The following L3MBTL3 variants were observed in gnomAD, a reference collection of about 807,000 sequenced individuals.
L3MBTL3 encodes L3MBTL histone methyl-lysine binding protein 3.
In L3MBTL3, 27 loss-of-function variants were observed where a neutral mutation model predicts 102.3. The ratio of observed to expected loss-of-function variants is 0.26; its 90% CI spans 0.19 to 0.36. L3MBTL3 has a LOEUF of 0.36. L3MBTL3 is among the 10% of genes least tolerant of loss of function. L3MBTL3 has a pLI of 1.00. For synonymous variants in L3MBTL3, 340 were observed against 320.9 expected (o/e 1.06, Z -0.64); for missense variants, 798 against 955.3 (o/e 0.84, Z 2.17).
chr6:130,104,697 A>C, intron 19 of L3MBTL3, 122 bp downstream of exon 19: 2 of 640,824 alleles, frequency 3.1e-6, no homozygotes, highest in Non-Finnish European at 2.3e-6. Flanking sequence ...AATACACCTG[A>C]CTTAATGTGA....
At chr6:130,052,816 G>T (rs1348483320) in intron 6 of L3MBTL3, 43 bp from the exon 7 acceptor site, 1 of 1,566,826 alleles carries the variant, frequency 6.4e-7, no homozygotes, top group Admixed American at 1.9e-5. Flanking sequence ...ATGTTTGATA[G>T]GTATTGTCTC....
intron 9 of L3MBTL3, among the ~76,000 whole-genome samples, chr6:130,057,854 G>A (rs1781608756): frequency 6.6e-6 from 1 of 152,170 alleles, no homozygotes; most frequent in Non-Finnish European, 1.5e-5. Context: ...GATTAAAAAT[G>A]AGTTACTGGC....
At chr6:130,116,611 G>T (rs1415265777) in intron 19 of L3MBTL3, among the ~76,000 whole-genome samples, 2 of 151,896 alleles carry the variant, frequency 1.3e-5, no homozygotes, top group South Asian at 2.1e-4. Context: ...AAATTAGCCA[G>T]GCATGGTAGC....
chr6:130,135,554 C>T (rs1388523988), intron 22 of L3MBTL3, among the ~76,000 whole-genome samples: 3 of 151,960 alleles, frequency 2.0e-5, no homozygotes, highest in Non-Finnish European at 4.4e-5. Context: ...TAGGTTTGCT[C>T]TATTATTCAG....
In L3MBTL3 at chr6:130,045,753, T is replaced by C. The variant is rs531733177; in HGVS notation, c.102+2952T>C. Among the ~76,000 whole-genome samples the C allele has an allele frequency of 6.6e-5, 10 of 152,294 alleles. No individual in the cohort carries two copies. In the South Asian group the frequency reaches 2.1e-3, roughly 32 times the overall value. On this transcript the variant is annotated intron_variant, in intron 3 of 22. Coordinates refer to ENST00000361794, the MANE Select transcript of L3MBTL3 (RefSeq NM_032438.4). ...GAAGGCTTTGAAAAGCAGATGTCAT[T>C]TGAGCTTCAGGTGCCTGGAAATATG...
At chr6:130,032,988 G>A (rs1779824515) in intron 2 of L3MBTL3, among the ~76,000 whole-genome samples, 1 of 152,270 alleles carries the variant, frequency 6.6e-6, no homozygotes, top group Admixed American at 6.5e-5. Context: ...GCAAGACCCT[G>A]TCTCAAAAAC....
At position 130,024,427 on chromosome 6, in the gene L3MBTL3, A is replaced by G. The variant is rs532924140; in HGVS notation, c.-16+2122A>G. On this transcript the variant is annotated intron_variant, in intron 2 of 22. Transcript: ENST00000361794. ...ATCTCCACTCTTTGGAGATTATCCA[A>G]TCAATGTTCTAAGAATCCAAAAACC... Among the ~76,000 whole-genome samples, 163 of 152,296 alleles carry G rather than the reference A, an allele frequency of 1.1e-3. 1 individual carries two copies. The highest frequency in any genetic ancestry group is 1.9e-3 in the South Asian group (9 of 4,826).
chr6:130,095,700 G>T (rs1784321413), intron 18 of L3MBTL3, among the ~76,000 whole-genome samples: 1 of 152,158 alleles, frequency 6.6e-6, no homozygotes, highest in African/African-American at 2.4e-5. Flanking sequence ...ACTTTCTGGA[G>T]GCTGGAAAGT....
intron 9 of L3MBTL3, among the ~76,000 whole-genome samples, chr6:130,059,600 A>G (rs1297001649): frequency 2.0e-5 from 3 of 152,216 alleles, no homozygotes; most frequent in South Asian, 2.1e-4. Flanking sequence ...TGTTGTATCA[A>G]AAAGAATTTT....
intron 2 of L3MBTL3, among the ~76,000 whole-genome samples, chr6:130,030,271 G>A (rs972929250): frequency 2.0e-5 from 3 of 152,008 alleles, no homozygotes; most frequent in Non-Finnish European, 4.4e-5. Context: ...CCCCTATGGA[G>A]AGGATATACC....
intron 7 of L3MBTL3, 94 bp from the exon 8 acceptor site, chr6:130,055,077 A>C (rs1781377275): frequency 1.2e-6 from 1 of 869,004 alleles, no homozygotes; most frequent in African/African-American, 1.7e-5. Flanking sequence ...TGAAGAAAAG[A>C]ACAACAGAAA....
chr6:130,104,177 C>T (rs1784854836), intron 18 of L3MBTL3, among the ~76,000 whole-genome samples: 2 of 151,962 alleles, frequency 1.3e-5, no homozygotes, highest in Admixed American at 1.3e-4. Flanking sequence ...GTGACTCTTG[C>T]TCAGTTCTGA....
intron 18 of L3MBTL3, among the ~76,000 whole-genome samples, chr6:130,098,515 G>A (rs1784490139): frequency 6.6e-6 from 1 of 152,116 alleles, no homozygotes; most frequent in African/African-American, 2.4e-5. Flanking sequence ...TTTACTTTTT[G>A]CTGATGTTCT....
intron 19 of L3MBTL3, among the ~76,000 whole-genome samples, chr6:130,119,394 T>C (rs1446288751): frequency 6.6e-6 from 1 of 152,214 alleles, no homozygotes; most frequent in African/African-American, 2.4e-5. Flanking sequence ...TGGAAGTTCA[T>C]AGAAGTTAAT....
At chr6:130,118,627 A>G (rs1785896530) in intron 19 of L3MBTL3, among the ~76,000 whole-genome samples, 1 of 152,214 alleles carries the variant, frequency 6.6e-6, no homozygotes, top group Admixed American at 6.5e-5. Flanking sequence ...AAAACATTCA[A>G]TAAACATTTT....
intron 20 of L3MBTL3, among the ~76,000 whole-genome samples, chr6:130,127,932 T>TA (rs1441471978): frequency 2.0e-5 from 3 of 152,182 alleles, no homozygotes; most frequent in African/African-American, 7.2e-5. Context: ...AAATCAAAAT[T>TA]ATGTGTAATT....
chr6:130,094,212 C>T, intron 17 of L3MBTL3, 53 bp from the exon 18 acceptor site: 2 of 1,411,866 alleles, frequency 1.4e-6, no homozygotes, highest in Non-Finnish European at 2.0e-6. Context: ...TGACTCTTCA[C>T]AGATTTTTGC....
chr6:130,050,501 A>G (rs190496581), intron 5 of L3MBTL3, among the ~76,000 whole-genome samples: 1 of 152,336 alleles, frequency 6.6e-6, no homozygotes, highest in African/African-American at 2.4e-5. Context: ...TCTATCAGAA[A>G]ATCCTTCTCT....
chr6:130,086,093 C>T (rs188251330), intron 15 of L3MBTL3, 47 bp from the exon 16 acceptor site: 883 of 1,244,668 alleles, frequency 7.1e-4, no homozygotes, highest in Non-Finnish European at 9.2e-4. Context: ...TCAAGTTTAC[C>T]TTCTCTTCCT....
Sources: gnomAD v4.1 joint callset for allele counts (sites outside exome capture counted in the v4.1 genomes callset) on GRCh38, gnomAD v4.1.1 for gene constraint, MANE v1.5 for transcripts, NCBI Gene and HGNC (gene_info 2026-07-23, HGNC 2026-07-21) for gene names.